MAP2K4: variants seen among roughly 807,000 people sequenced by gnomAD.
MAP2K4 encodes the protein mitogen-activated protein kinase kinase 4.
MAP2K4 carries 4 observed loss-of-function variants against 48.5 expected under a neutral mutation model. The ratio of observed to expected loss-of-function variants is 0.08; its 90% CI spans 0.04 to 0.19. The LOEUF (loss-of-function observed/expected upper bound fraction) is 0.19, where lower values mean the gene tolerates loss of function less well. Ranked by LOEUF, MAP2K4 falls within the 10% of genes least tolerant of loss-of-function variation. MAP2K4 has a pLI of 1.00. For synonymous variants in MAP2K4, 166 were observed against 173.1 expected, an observed-to-expected ratio of 0.96 and a Z score of 0.32; for missense variants, 258 against 493.3, an observed-to-expected ratio of 0.52 and a Z score of 4.52.
intron 3 of MAP2K4, among the ~76,000 whole-genome samples, chr17:12,086,490 G>T (rs564218445): frequency 1.3e-5 from 2 of 152,114 alleles, no homozygotes; most frequent in African/African-American, 4.8e-5. Flanking sequence ...ATGTTTTTCA[G>T]ACTGTGAGTT....
chr17:12,107,941 G>A, intron 5 of MAP2K4, 32 bp downstream of exon 5: 2 of 1,558,200 alleles, frequency 1.3e-6, no homozygotes, highest in Non-Finnish European at 1.7e-6. Flanking sequence ...TATTCATTGT[G>A]TATATAGTTA....
intron 1 of MAP2K4, chr17:12,036,607 A>T (rs991695746): frequency 1.3e-5 from 2 of 152,156 alleles, no homozygotes; most frequent in African/African-American, 2.4e-5. Flanking sequence ...GAGTTGCCCA[A>T]TGTGTGCCAC....
chr17:12,135,293 G>C (rs1318739363), intron 9 of MAP2K4, among the ~76,000 whole-genome samples: 2 of 152,098 alleles, frequency 1.3e-5, no homozygotes, highest in African/African-American at 4.8e-5. Context: ...CTCCATGTTG[G>C]TCAGGTTGGT....
At chr17:12,124,943 G>A in intron 7 of MAP2K4, 1 of 217,478 alleles carries the variant, frequency 4.6e-6, no homozygotes, top group Non-Finnish European at 9.4e-6. Flanking sequence ...CCAAAGTGCT[G>A]GGATTACGGG....
Position 12,136,468 on chromosome 17 carries a change from T to C in MAP2K4, c.1041-3371T>C, listed in dbSNP as rs188942030. ...GAAGACAGAGCTGAAGCTCTCCCAA[T>C]AAAACTTTTTGAGATGCTGGAAATG... On this transcript the variant is annotated intron_variant, in intron 9 of 10. Coordinates refer to ENST00000353533, the MANE Select transcript of MAP2K4 (RefSeq NM_003010.4). 2.0e-3 allele frequency among the ~76,000 whole-genome samples: 300 copies of C among 152,318 alleles called. 1 individual carries two copies. The highest frequency in any genetic ancestry group is 7.0e-3 in the African/African-American group (291 of 41,580).
chr17:12,081,250 T>G lies in MAP2K4; in HGVS notation c.219-106T>G. 1 of 838,036 alleles carries G rather than the reference T, an allele frequency of 1.2e-6. No homozygotes were observed. The highest frequency in any genetic ancestry group is 2.3e-5 in the South Asian group (1 of 44,144). The allele number at this position is 838,036 out of a possible 1,614,324, so 51.9% of individuals were successfully genotyped here. On this transcript the variant is annotated intron_variant, in intron 2 of 10. Coordinates refer to ENST00000353533, the MANE Select transcript of MAP2K4 (RefSeq NM_003010.4). This position sits in a 1 kb window ranked among gnomAD's most constrained non-coding sequence, Gnocchi z 4.2. ...CTTCAAAAACCTGGAGGTCAGACTA[T>G]TTTAGTAATTTAGAAAACATTTTTC...
intron 2 of MAP2K4, among the ~76,000 whole-genome samples, chr17:12,072,557 A>G (rs1274453976): frequency 6.6e-6 from 1 of 152,160 alleles, no homozygotes; most frequent in African/African-American, 2.4e-5. Flanking sequence ...TAGACTTTTA[A>G]CTTTTAATTT....
intron 3 of MAP2K4, among the ~76,000 whole-genome samples, chr17:12,088,445 T>TATTAAATATTAA (rs1567653470): frequency 1.7e-4 from 22 of 129,630 alleles, no homozygotes; most frequent in Non-Finnish European, 2.9e-4. Context: ...TTACATATAA[T>TATTAAATATTAA]ATATATTAAA....
At chr17:12,052,148 C>T (rs529994236) in intron 1 of MAP2K4, among the ~76,000 whole-genome samples, 2 of 152,276 alleles carry the variant, frequency 1.3e-5, no homozygotes, top group South Asian at 2.1e-4. Flanking sequence ...ATGTGCTAAG[C>T]TCGTTGGCAC....
At chr17:12,102,089 A>G (rs908852307) in intron 4 of MAP2K4, among the ~76,000 whole-genome samples, 2 of 152,136 alleles carry the variant, frequency 1.3e-5, no homozygotes, top group Non-Finnish European at 2.9e-5. Context: ...TCCTGATCCT[A>G]GAGGGAAAGC....
At chr17:12,085,873 G>A (rs1234201797) in intron 3 of MAP2K4, among the ~76,000 whole-genome samples, 1 of 152,124 alleles carries the variant, frequency 6.6e-6, no homozygotes, top group Non-Finnish European at 1.5e-5. Context: ...TCAGGTATCA[G>A]AAAAGTATGG....
rs1272909578 is a variant in MAP2K4 at position 12,143,705 on chromosome 17, A to G, written c.*2445A>G. The G allele has an allele frequency of 1.3e-5, 3 of 230,710 alleles. No individual in the cohort carries two copies. In the East Asian group the frequency reaches 1.9e-4, roughly 14 times the overall value. The allele number at this position is 230,710 out of a possible 1,614,324, so 14.3% of individuals were successfully genotyped here. ...AGTTCTATCCTTTTGCCTGCAGGTCAGTTGTAATAAATCTAGGATGTGATG... is the reference window on the plus strand; with the variant it reads ...AGTTCTATCCTTTTGCCTGCAGGTCGGTTGTAATAAATCTAGGATGTGATG... On this transcript the variant is annotated 3_prime_UTR_variant, in exon 11 of 11. Transcript: ENST00000353533.
chr17:12,075,642 C>T (rs1970978344), intron 2 of MAP2K4, among the ~76,000 whole-genome samples: 1 of 152,174 alleles, frequency 6.6e-6, no homozygotes, highest in Admixed American at 6.5e-5. Context: ...GAATGTTCAA[C>T]TCTAGCAGTT....
At chr17:12,042,199 G>A (rs1243911943) in intron 1 of MAP2K4, among the ~76,000 whole-genome samples, 1 of 138,584 alleles carries the variant, frequency 7.2e-6, no homozygotes, top group Admixed American at 7.3e-5. Context: ...AAGGTACCAT[G>A]TAGTAGTAAC....
intron 1 of MAP2K4, among the ~76,000 whole-genome samples, chr17:12,042,963 C>T (rs769441998): frequency 6.6e-6 from 1 of 151,452 alleles, no homozygotes. Context: ...AGGAGAATGG[C>T]GTGAACCCAG....
intron 8 of MAP2K4, among the ~76,000 whole-genome samples, chr17:12,126,179 ACAGAGCCAAACCATAT>A (rs1972845414): frequency 6.6e-6 from 1 of 152,228 alleles, no homozygotes; most frequent in South Asian, 2.1e-4. Context: ...GGGTGGGGAC[ACAGAGCCAAACCATAT>A]CAGACAAGAA....
At chr17:12,056,990 A>T (rs1421368568) in intron 2 of MAP2K4, among the ~76,000 whole-genome samples, 1 of 152,194 alleles carries the variant, frequency 6.6e-6, no homozygotes, top group African/African-American at 2.4e-5. Context: ...GGAAAAGATA[A>T]GATGAAATAA....
At chr17:12,085,813 G>C (rs1172920803) in intron 3 of MAP2K4, among the ~76,000 whole-genome samples, 1 of 152,110 alleles carries the variant, frequency 6.6e-6, no homozygotes, top group African/African-American at 2.4e-5. Flanking sequence ...ACTTTAATCT[G>C]CTGGTTGAGT....
At position 12,143,092 on chromosome 17, in the gene MAP2K4, A is replaced by G. The variant is rs1038932037; in HGVS notation, c.*1832A>G. ...CCTATCTTCTCCCCCACGGTATCCT[A>G]AACTTTAGACTTCCCACTGTTCTGA... On this transcript the variant is annotated 3_prime_UTR_variant, in exon 11 of 11. Coordinates refer to ENST00000353533, the MANE Select transcript of MAP2K4 (RefSeq NM_003010.4). The G allele has an allele frequency of 8.6e-6, 2 of 232,992 alleles. No individual in the cohort carries two copies. Among genetic ancestry groups the G allele is most frequent in the Non-Finnish European group, 1.7e-5 (2 of 117,884 alleles). The allele number at this position is 232,992 out of a possible 1,614,324, so 14.4% of individuals were successfully genotyped here. A position where few individuals can be genotyped will look rare whatever the true frequency, so the allele number is the denominator to read the frequency against.
Sources: allele counts gnomAD v4.1 joint callset (sites outside exome capture counted in the v4.1 genomes callset), GRCh38; gene constraint gnomAD v4.1.1; non-coding constraint Gnocchi (gnomAD v3.1); transcripts MANE v1.5; gene names NCBI Gene and HGNC (gene_info 2026-07-23, HGNC 2026-07-21).